The following ELL variants were observed in gnomAD, a reference collection of about 807,000 sequenced individuals.
The protein encoded by ELL is RNA polymerase II elongation factor ELL.
In ELL, 18 loss-of-function variants were observed where a neutral mutation model predicts 64.0. The ratio of observed to expected loss-of-function variants is 0.28; its 90% confidence interval spans 0.19 to 0.42. The LOEUF (loss-of-function observed/expected upper bound fraction) is 0.42. ELL is among the 10% of genes least tolerant of loss of function. ELL has a pLI of 1.00. For synonymous variants in ELL, 399 were observed against 376.2 expected (o/e 1.06, Z -0.70); for missense variants, 797 against 870.4 (o/e 0.92, Z 1.06).
At chr19:18,479,632 C>T (rs959645585) in intron 1 of ELL, among the ~76,000 whole-genome samples, 2 of 146,264 alleles carry the variant, frequency 1.4e-5, no homozygotes, top group South Asian at 2.1e-4. Flanking sequence ...CTGCTTGAAC[C>T]CGGTAGGCGG....
chr19:18,472,997 G>A, intron 1 of ELL, 115 bp from the exon 2 acceptor site: 1 of 1,268,356 alleles, frequency 7.9e-7, no homozygotes, highest in East Asian at 2.5e-5. Flanking sequence ...GGTGTTCTCA[G>A]GAGAGGGGAA....
intron 5 of ELL, among the ~76,000 whole-genome samples, 177 bp downstream of exon 5, chr19:18,461,401 G>A (rs907796785): frequency 2.0e-5 from 3 of 152,160 alleles, no homozygotes; most frequent in Admixed American, 2.0e-4. Context: ...GGCCCCCTAA[G>A]CTTGTTCTAA....
At chr19:18,494,988 G>A (rs757257171) in intron 1 of ELL, among the ~76,000 whole-genome samples, 16 of 152,204 alleles carry the variant, frequency 1.1e-4, no homozygotes, top group Non-Finnish European at 2.1e-4. Context: ...AGAAGTCCAG[G>A]GCATATGGCT....
intron 1 of ELL, among the ~76,000 whole-genome samples, chr19:18,510,981 G>A (rs987301758): frequency 8.5e-5 from 13 of 152,128 alleles, no homozygotes; most frequent in Admixed American, 3.9e-4. Flanking sequence ...AATTAGCTAC[G>A]CATGGGCCGG....
At chr19:18,497,868 C>T (rs559253916) in intron 1 of ELL, among the ~76,000 whole-genome samples, 34 of 148,928 alleles carry the variant, frequency 2.3e-4, no homozygotes, top group African/African-American at 8.4e-4. Flanking sequence ...ATGGCTCATG[C>T]CTGTAATTCC....
chr19:18,450,946 G>A lies in ELL; in HGVS notation c.996C>T (p.Asp332=), dbSNP rs756423650. 2.6e-6 allele frequency: 4 copies of A among 1,530,628 alleles called. No individual in the cohort carries two copies. Among genetic ancestry groups the A allele is most frequent in the African/African-American group, 2.8e-5 (2 of 72,030 alleles). 94.8% of individuals were successfully genotyped at this position (1,530,628 alleles called of 1,614,324 possible). The part of the protein sequence containing the change: ...QKRLQPPDFI[D]PLANKKPRIS... The stretch of plus-strand genomic sequence containing the variant: ...TCCGGGGTTTCTTGTTGGCTAGGGG[G>A]TCGATGAAATCAGGAGGCTGCAGCC... The change falls in exon 8 of 12, where the codon GAC becomes GAT. Residue 332 remains aspartate (D), a synonymous_variant. Coordinates refer to ENST00000262809, the MANE Select transcript of ELL (RefSeq NM_006532.4).
At chr19:18,513,012 G>C (rs917263759) in intron 1 of ELL, among the ~76,000 whole-genome samples, 13 of 152,218 alleles carry the variant, frequency 8.5e-5, no homozygotes, top group Non-Finnish European at 1.3e-4. Context: ...GGGAAGGACA[G>C]GGGTGTTAAC....
chr19:18,444,996 A>C, intron 11 of ELL, 128 bp from the exon 12 acceptor site: 6 of 1,161,028 alleles, frequency 5.2e-6, no homozygotes, highest in Non-Finnish European at 7.4e-6. Flanking sequence ...TTGTGGTCCA[A>C]GGGCAGAGTG....
chr19:18,469,437 G>C (rs990244731), intron 2 of ELL, among the ~76,000 whole-genome samples: 4 of 152,224 alleles, frequency 2.6e-5, no homozygotes, highest in African/African-American at 9.6e-5. Context: ...GAGCTTGCCC[G>C]GGTTCTGGGA....
chr19:18,506,267 C>T (rs537910435), intron 1 of ELL, among the ~76,000 whole-genome samples: 9 of 152,372 alleles, frequency 5.9e-5, no homozygotes, highest in African/African-American at 1.7e-4. Context: ...CTCCCGCACC[C>T]TCCAGCGACC....
chr19:18,471,485 T>A (rs759768045), intron 2 of ELL: 2 of 289,096 alleles, frequency 6.9e-6, no homozygotes, highest in Non-Finnish European at 1.4e-5. Flanking sequence ...CTGGCCAACA[T>A]GGTGAAACCC....
At chr19:18,452,029 G>A (rs543301911) in intron 6 of ELL, among the ~76,000 whole-genome samples, 2 of 152,366 alleles carry the variant, frequency 1.3e-5, no homozygotes, top group South Asian at 2.1e-4. Context: ...CCTGGCCTAG[G>A]ATGAGACAGC....
At chr19:18,462,466 C>T (rs1974850167) in intron 4 of ELL, among the ~76,000 whole-genome samples, 1 of 151,172 alleles carries the variant, frequency 6.6e-6, no homozygotes, top group South Asian at 2.1e-4. Context: ...TCATTGCAGC[C>T]CCAAACTTCT....
chr19:18,493,229 C>G (rs1975569468), intron 1 of ELL, among the ~76,000 whole-genome samples: 1 of 152,178 alleles, frequency 6.6e-6, no homozygotes, highest in South Asian at 2.1e-4. Flanking sequence ...GGGATCCCAT[C>G]AGGGCAATTC....
intron 2 of ELL, among the ~76,000 whole-genome samples, chr19:18,467,326 C>T (rs1349743582): frequency 6.6e-6 from 1 of 152,106 alleles, no homozygotes; most frequent in East Asian, 1.9e-4. Context: ...CTGCTGGGGT[C>T]TGCCCAGCAT....
rs1425895711 is a variant in ELL at position 18,521,902 on chromosome 19, C to T, written c.135+19G>A. ...GTCCGGACGTTCCCCACTGGCGCGC[C>T]GGGCGCCATGCCACTCACCTGTCTG... On this transcript the variant is annotated intron_variant, in intron 1 of 11. Coordinates refer to ENST00000262809, the MANE Select transcript of ELL (RefSeq NM_006532.4). The T allele has an allele frequency of 1.3e-6, 2 of 1,567,212 alleles. No homozygotes were observed. Among genetic ancestry groups the T allele is most frequent in the African/African-American group, 2.8e-5 (2 of 72,524 alleles).
chr19:18,470,157 G>A (rs184437626), intron 2 of ELL, among the ~76,000 whole-genome samples: 2 of 152,248 alleles, frequency 1.3e-5, no homozygotes, highest in East Asian at 1.9e-4. Flanking sequence ...TCTCTAGAAG[G>A]AGGTTAGCTG....
chr19:18,492,905 T>C lies in ELL; in HGVS notation c.136-20023A>G, dbSNP rs1039152923. Among the ~76,000 whole-genome samples the C allele has an allele frequency of 3.3e-5, 5 of 152,108 alleles. No homozygotes were observed. In the South Asian group the frequency reaches 8.3e-4, roughly 25 times the overall value. On this transcript the variant is annotated intron_variant, in intron 1 of 11. Coordinates refer to ENST00000262809, the MANE Select transcript of ELL (RefSeq NM_006532.4). ...TGAAGTCCCACTGGCCAGGCTGCGA[T>C]GACACCAGGAAAAGCTAGGACAAGT...
chr19:18,448,233 C>T (rs1469741643), intron 8 of ELL: 1 of 152,070 alleles, frequency 6.6e-6, no homozygotes, highest in Non-Finnish European at 1.5e-5. Flanking sequence ...CTGTGCCTGG[C>T]CCTAGTGCAC....
Sources: gnomAD v4.1 joint callset for allele counts (sites outside exome capture counted in the v4.1 genomes callset) on GRCh38, gnomAD v4.1.1 for gene constraint, MANE v1.5 for transcripts, NCBI Gene and HGNC (gene_info 2026-07-23, HGNC 2026-07-21) for gene names.